Variants in RUNX1T1 observed in about 807,000 individuals in gnomAD.
The protein encoded by RUNX1T1 is RUNX1 partner transcriptional co-repressor 1.
Under a neutral mutation model 62.8 loss-of-function variants are expected in RUNX1T1, and 4 were observed. That is an observed-to-expected ratio of 0.06 (90% confidence interval 0.03 to 0.15). The LOEUF (loss-of-function observed/expected upper bound fraction) is 0.15. Ranked by LOEUF, RUNX1T1 falls within the 10% of genes least tolerant of loss-of-function variation. The pLI is 1.00. For missense variants in RUNX1T1, 508 were observed against 754.3 expected, an observed-to-expected ratio of 0.67 and a Z score of 3.82; for synonymous variants, 291 against 286.0, an observed-to-expected ratio of 1.02 and a Z score of -0.18.
chr8:92,011,922 T>A (rs1347326033), intron 3 of RUNX1T1, among the ~76,000 whole-genome samples: 1 of 152,232 alleles, frequency 6.6e-6, no homozygotes, highest in East Asian at 1.9e-4. Context: ...AAATTAACCC[T>A]CATTTCATTC....
At chr8:92,070,005 C>T (rs928695197) in intron 2 of RUNX1T1, among the ~76,000 whole-genome samples, 19 of 152,168 alleles carry the variant, frequency 1.2e-4, no homozygotes, top group Non-Finnish European at 2.2e-4. Flanking sequence ...TCACTGCCTC[C>T]GATTCTCTTC....
chr8:92,089,332 A>G (rs1254311227), intron 1 of RUNX1T1, among the ~76,000 whole-genome samples: 2 of 152,222 alleles, frequency 1.3e-5, no homozygotes, highest in Non-Finnish European at 2.9e-5. Flanking sequence ...TTATTTAATT[A>G]TTTTAGAAGC....
intron 1 of RUNX1T1, among the ~76,000 whole-genome samples, chr8:92,049,914 C>T (rs539439006): frequency 4.6e-5 from 7 of 152,070 alleles, no homozygotes; most frequent in African/African-American, 1.2e-4. Flanking sequence ...TTGTCCATTA[C>T]GGTATATTTA....
upstream of RUNX1T1, among the ~76,000 whole-genome samples, chr8:92,101,850 G>A (rs1838051571): frequency 2.0e-5 from 3 of 152,222 alleles, no homozygotes; most frequent in African/African-American, 7.2e-5. Context: ...CCCCGGGAAA[G>A]AGGTCTGGGT....
At chr8:92,022,428 T>G (rs974553381) in intron 1 of RUNX1T1, among the ~76,000 whole-genome samples, 4 of 152,180 alleles carry the variant, frequency 2.6e-5, no homozygotes, top group Non-Finnish European at 5.9e-5. Flanking sequence ...CCAAAATTCA[T>G]GTGTTGAAAC....
At chr8:91,961,008 G>A (rs1273531640) in intron 10 of RUNX1T1, among the ~76,000 whole-genome samples, 1 of 152,098 alleles carries the variant, frequency 6.6e-6, no homozygotes, top group East Asian at 1.9e-4. Flanking sequence ...AGTAGATAAG[G>A]GATTCTATTC....
upstream of RUNX1T1, among the ~76,000 whole-genome samples, chr8:92,065,295 A>C (rs1832711004): frequency 6.6e-6 from 1 of 152,262 alleles, no homozygotes; most frequent in African/African-American, 2.4e-5. Context: ...TGAATGGAGA[A>C]AAACAATACA....
chr8:91,965,638 C>T (rs571049412), intron 10 of RUNX1T1, among the ~76,000 whole-genome samples: 3 of 152,222 alleles, frequency 2.0e-5, no homozygotes, highest in Admixed American at 6.5e-5. Context: ...ATTCCCTAAA[C>T]CCAACTCTGG....
chr8:91,993,005 C>T (rs1295950416), intron 5 of RUNX1T1, among the ~76,000 whole-genome samples: 1 of 152,118 alleles, frequency 6.6e-6, no homozygotes, highest in Non-Finnish European at 1.5e-5. Context: ...AATCACTGCT[C>T]CCAAACTTAC....
At chr8:91,966,289 A>G (rs552494655) in intron 10 of RUNX1T1, among the ~76,000 whole-genome samples, 1 of 151,806 alleles carries the variant, frequency 6.6e-6, no homozygotes, top group African/African-American at 2.4e-5. Context: ...TGAGGTCCCT[A>G]TGTTTTATTC....
chr8:92,071,663 A>G (rs1833691419), intron 2 of RUNX1T1, among the ~76,000 whole-genome samples: 1 of 152,190 alleles, frequency 6.6e-6, no homozygotes, highest in Admixed American at 6.5e-5. Flanking sequence ...TGGCGGACAG[A>G]CAGGGCTGGC....
intron 4 of RUNX1T1, chr8:92,005,841 T>C (rs1218556466): frequency 6.6e-6 from 1 of 152,248 alleles, no homozygotes; most frequent in East Asian, 1.9e-4. Flanking sequence ...TTATTTTCCA[T>C]AGTCATCAAG....
chr8:92,012,783 T>C (rs757233684), intron 3 of RUNX1T1, among the ~76,000 whole-genome samples: 25 of 151,664 alleles, frequency 1.6e-4, no homozygotes, highest in Non-Finnish European at 2.2e-4. Context: ...TCTCAAATGG[T>C]AGTCCTGAGA....
At chr8:91,969,157 T>C (rs1478664152) in intron 10 of RUNX1T1, among the ~76,000 whole-genome samples, 1 of 152,218 alleles carries the variant, frequency 6.6e-6, no homozygotes, top group Non-Finnish European at 1.5e-5. Flanking sequence ...ACAGATACTG[T>C]TTAACAGGGT....
chr8:92,034,575 C>T (rs553174211), intron 1 of RUNX1T1, among the ~76,000 whole-genome samples: 1 of 151,952 alleles, frequency 6.6e-6, no homozygotes, highest in Non-Finnish European at 1.5e-5. Context: ...AAGATACCTG[C>T]ACTCCTAGTT....
downstream of RUNX1T1, chr8:91,955,096 G>A (rs541003757): frequency 4.7e-6 from 1 of 212,226 alleles, no homozygotes; most frequent in Non-Finnish European, 9.5e-6. Flanking sequence ...TCTTTCACGG[G>A]AGACACATAC....
chr8:92,029,086 CA>C (rs1380788554), intron 1 of RUNX1T1, among the ~76,000 whole-genome samples: 1 of 152,118 alleles, frequency 6.6e-6, no homozygotes, highest in East Asian at 1.9e-4. Flanking sequence ...TCAAGAGAGA[CA>C]ATCAGGAAGG....
chr8:92,075,828 A>G (rs905896904), intron 2 of RUNX1T1, 137 bp downstream of exon 2: 10 of 753,632 alleles, frequency 1.3e-5, no homozygotes, highest in Non-Finnish European at 1.8e-5. Flanking sequence ...ACAAATGTTT[A>G]AAACATACAA....
At chr8:92,055,295 GTAGT>G (rs143351345) in intron 1 of RUNX1T1, among the ~76,000 whole-genome samples, 288 of 152,300 alleles carry the variant, frequency 1.9e-3, no homozygotes, top group African/African-American at 6.8e-3. Flanking sequence ...TATGTAGTAA[GTAGT>G]TAAACAATGT....
Sources: gnomAD v4.1 joint callset for allele counts (sites outside exome capture counted in the v4.1 genomes callset) on GRCh38, gnomAD v4.1.1 for gene constraint, MANE v1.5 for transcripts, NCBI Gene and HGNC (gene_info 2026-07-23, HGNC 2026-07-21) for gene names.